The following ASIC3 variants were observed in gnomAD, a reference collection of about 807,000 sequenced individuals.
The protein encoded by ASIC3 is acid-sensing ion channel 3.
In ASIC3, 46 loss-of-function variants were observed where a neutral mutation model predicts 58.6. The observed-to-expected ratio is 0.79, with a 90% CI of 0.62 to 1.00. The LOEUF (loss-of-function observed/expected upper bound fraction) is 1.00, where lower values mean the gene tolerates loss of function less well. Among genes scored for constraint, ASIC3 ranks in the 50% least tolerant of loss-of-function variants. ASIC3 has a pLI of 0.00. For synonymous variants in ASIC3, 336 were observed against 300.2 expected (o/e 1.12, Z -1.23); for missense variants, 770 against 735.0 (o/e 1.05, Z -0.55).
chr7:151,048,636 C>G lies in ASIC3; in HGVS notation c.-250C>G. The stretch of plus-strand genomic sequence containing the variant: ...CTGGTCTGCTGCGGAGTCCCCAGCC[C>G]AGTGCCTAGCCCAGTGGAGCCACCG... On this transcript the variant is annotated 5_prime_UTR_variant, in exon 1 of 11. Transcript: ENST00000349064. The G allele has an allele frequency of 2.0e-6, 1 of 512,212 alleles. No homozygotes were observed. The allele number at this position is 512,212 out of a possible 1,614,324, so 31.7% of individuals were successfully genotyped here.
chr7:151,050,020 C>T (rs892616451), intron 1 of ASIC3, 86 bp from the exon 2 acceptor site: 18 of 1,570,712 alleles, frequency 1.1e-5, no homozygotes, highest in South Asian at 2.2e-5. Context: ...AAAGAAGAGA[C>T]GCAAACATAC....
At chr7:151,051,957 G>A (rs761024340) in intron 7 of ASIC3, 26 bp from the exon 8 acceptor site, 4 of 1,613,628 alleles carry the variant, frequency 2.5e-6, no homozygotes, top group Non-Finnish European at 3.4e-6. Flanking sequence ...GTGGCTGTAA[G>A]TTGAAGGGTG....
intron 6 of ASIC3, 28 bp from the exon 7 acceptor site, chr7:151,051,782 C>A (rs10255526): frequency 1.2e-6 from 2 of 1,609,116 alleles, no homozygotes; most frequent in Admixed American, 1.7e-5. Context: ...GGTGGCCAGC[C>A]CACATTTGAG....
At position 151,052,726 on chromosome 7, in the gene ASIC3, T is replaced by G; in HGVS notation, c.*74T>G. ...CTAGCCTGCACGTAGCTTTTCCGTC[T>G]TCACCCCAAATAAAGTCCTAATGCA... On this transcript the variant is annotated 3_prime_UTR_variant, in exon 11 of 11. Transcript: ENST00000349064. The surrounding 1 kb of genome is among the most constrained non-coding windows in gnomAD (Gnocchi z 5.0). 2 of 1,614,046 alleles carry G rather than the reference T, an allele frequency of 1.2e-6. No individual in the cohort carries two copies. Among genetic ancestry groups the G allele is most frequent in the Non-Finnish European group, 1.7e-6 (2 of 1,179,928 alleles).
chr7:151,049,558 A>G, intron 1 of ASIC3, 139 bp downstream of exon 1: 1 of 1,033,942 alleles, frequency 9.7e-7, no homozygotes, highest in Non-Finnish European at 1.4e-6. Flanking sequence ...TGGACTCCCC[A>G]CCCCCCAGTG....
Position 151,048,955 on chromosome 7 carries a change from T to C in ASIC3, c.70T>C (p.Cys24Arg). 7 of 1,593,964 alleles carry C rather than the reference T, an allele frequency of 4.4e-6. No homozygotes were observed. Among genetic ancestry groups the C allele is most frequent in the Non-Finnish European group, 6.0e-6 (7 of 1,166,056 alleles). ...GGACATCCGCGTGTTCGCCAGCAAC[T>C]GCTCGATGCACGGGCTGGGCCACGT... ...ASDIRVFASN[C>R]SMHGLGHVFG... Residue 24 changes from cysteine to arginine, a missense_variant, in exon 1 of 11, where the codon TGC becomes CGC. Transcript: ENST00000349064.
intron 7 of ASIC3, 28 bp from the exon 8 acceptor site, chr7:151,051,955 A>T: frequency 6.2e-7 from 1 of 1,612,136 alleles, no homozygotes; most frequent in South Asian, 1.1e-5. Flanking sequence ...AGGTGGCTGT[A>T]AGTTGAAGGG....
intron 6 of ASIC3, 137 bp downstream of exon 6, chr7:151,051,456 C>A (rs1016366331): frequency 6.1e-6 from 7 of 1,153,974 alleles, no homozygotes; most frequent in Admixed American, 7.0e-5. Context: ...TCTGGGGCTC[C>A]GTGCTGGTTG....
rs540858696 is a variant in ASIC3, at chr7:151,050,960, G to A, written c.1009+7G>A. On this transcript the variant is annotated splice_region_variant and intron_variant, in intron 4 of 10. Coordinates refer to ENST00000349064, the MANE Select transcript of ASIC3 (RefSeq NM_004769.4). ...CGAATGGTGTACATGCCAGGTGAGG[G>A]GCTGGGGTTTTCGTCCCATGGCGGG... 36 of 1,613,434 alleles carry A rather than the reference G, an allele frequency of 2.2e-5. No individual in the cohort carries two copies. The South Asian group carries it at 3.5e-4, about 16-fold the overall frequency.
In ASIC3 at chr7:151,051,028, G is replaced by A; in HGVS notation, c.1010-11G>A. 6.2e-7 allele frequency: 1 copy of A among 1,613,238 alleles called. No homozygotes were observed. Among genetic ancestry groups the A allele is most frequent in the Non-Finnish European group, 8.5e-7 (1 of 1,180,004 alleles). On this transcript the variant is annotated splice_polypyrimidine_tract_variant and intron_variant, in intron 4 of 10. Transcript: ENST00000349064. ...AGGCTGCTTCTAAAGCCATCTCCCC[G>A]GTACCCGCAGGCGACGTGCCAGTGT...
Position 151,048,766 on chromosome 7 carries a change from C to A in ASIC3, c.-120C>A. 7.8e-7 allele frequency: 1 copy of A among 1,285,698 alleles called. No individual in the cohort carries two copies. Among genetic ancestry groups the A allele is most frequent in the African/African-American group, 1.5e-5 (1 of 67,174 alleles). 79.6% of individuals were successfully genotyped at this position (1,285,698 alleles called of 1,614,324 possible). ...CTTCCAACCTTGGCTGTCTCCCACC[C>A]TCTCTTCTCCTCTCCTTGCCTGGCC... On this transcript the variant is annotated 5_prime_UTR_variant, in exon 1 of 11. Coordinates refer to ENST00000349064, the MANE Select transcript of ASIC3 (RefSeq NM_004769.4).
At position 151,050,878 on chromosome 7, in the gene ASIC3, C is replaced by T. The variant is rs1030266495; in HGVS notation, c.934C>T (p.Leu312Phe). ...CCCCAGCCCCAGCCCTCCCTATACC[C>T]TTATGGGGTGTCGCCTGGCCTGCGA... ...PSPSPSPPYT[L>F]MGCRLACETR... The change falls in exon 4 of 11, where the codon CTT (leucine) becomes TTT (phenylalanine). Residue 312 changes from leucine (L) to phenylalanine (F), a missense_variant. Leu to Phe is a conservative substitution (Grantham distance 22, BLOSUM62 0). Transcript: ENST00000349064. 4 of 1,613,430 alleles carry T rather than the reference C, an allele frequency of 2.5e-6. No individual in the cohort carries two copies. Among genetic ancestry groups the T allele is most frequent in the East Asian group, 2.2e-5 (1 of 44,870 alleles).
chr7:151,049,206 G>A lies in ASIC3; in HGVS notation c.321G>A (p.Leu107=), dbSNP rs1796703303. 6.2e-7 allele frequency: 1 copy of A among 1,613,122 alleles called. No homozygotes were observed. The highest frequency in any genetic ancestry group is 8.5e-7 in the Non-Finnish European group (1 of 1,179,590). The change falls in exon 1 of 11, where the codon CTG becomes CTA. Residue 107 remains leucine (L), a synonymous_variant. Coordinates refer to ENST00000349064, the MANE Select transcript of ASIC3 (RefSeq NM_004769.4). Reference sequence around the variant, plus strand: ...GCTCGCGCCTAACGCCCAACGACCTGCACTGGGCTGGGTCTGCGCTGCTGG... The same window carrying A: ...GCTCGCGCCTAACGCCCAACGACCTACACTGGGCTGGGTCTGCGCTGCTGG... ...LRRSRLTPND[L]HWAGSALLGL... is the part of the protein sequence containing the mutation.
Position 151,051,878 on chromosome 7 carries a change from C to T in ASIC3, c.1283C>T (p.Ala428Val). 8 of 1,613,792 alleles carry T rather than the reference C, an allele frequency of 5.0e-6. No homozygotes were observed. Among genetic ancestry groups the T allele is most frequent in the Non-Finnish European group, 6.8e-6 (8 of 1,179,946 alleles). ...LNYETVEQKK[A>V]YEMSELLGDI... ...TATGAGACCGTGGAGCAGAAGAAGGCCTATGAGATGTCAGAGCTGCTTGGT... is the reference window on the plus strand; with the variant it reads ...TATGAGACCGTGGAGCAGAAGAAGGTCTATGAGATGTCAGAGCTGCTTGGT... The change falls in exon 7 of 11, where the codon GCC (alanine) becomes GTC (valine). Residue 428 changes from alanine to valine, a missense_variant. Transcript: ENST00000349064.
chr7:151,050,327 G>A (rs1584967393), intron 2 of ASIC3, 71 bp downstream of exon 2: 1 of 1,573,112 alleles, frequency 6.4e-7, no homozygotes, highest in South Asian at 1.2e-5. Context: ...AGGAGAGGAG[G>A]AGAGGAGGTG....
chr7:151,051,947 G>A lies in ASIC3; in HGVS notation c.1307-36G>A, dbSNP rs748986630. 8 of 1,613,400 alleles carry A rather than the reference G, an allele frequency of 5.0e-6. No individual in the cohort carries two copies. The Admixed American group carries it at 1.0e-4, about 20-fold the overall frequency. Reference sequence around the variant, plus strand: ...GGGCTGGGGGGGTGTGGGCAGGCAGGTGGCTGTAAGTTGAAGGGTGACCCT... The same window carrying A: ...GGGCTGGGGGGGTGTGGGCAGGCAGATGGCTGTAAGTTGAAGGGTGACCCT... On this transcript the variant is annotated intron_variant, in intron 7 of 10. Coordinates refer to ENST00000349064, the MANE Select transcript of ASIC3 (RefSeq NM_004769.4).
At position 151,052,351 on chromosome 7, in the gene ASIC3, G is replaced by A; in HGVS notation, c.1459-65G>A. 1 of 1,612,830 alleles carries A rather than the reference G, an allele frequency of 6.2e-7. No individual in the cohort carries two copies. The highest frequency in any genetic ancestry group is 8.5e-7 in the Non-Finnish European group (1 of 1,179,556). ...GGAGAAACAGGCAGGAGGGTGTGCA[G>A]TGACCTCGACTGGTCCCTGGGAGGA... On this transcript the variant is annotated intron_variant, in intron 9 of 10. Coordinates refer to ENST00000349064, the MANE Select transcript of ASIC3 (RefSeq NM_004769.4). The surrounding 1 kb of genome is among the most constrained non-coding windows in gnomAD (Gnocchi z 5.0).
rs75517657 is a variant in ASIC3, at chr7:151,050,221, A to G, written c.650A>G (p.Gln217Arg). ...GNGLDIMLDV[Q>R]QEEYLPVWRD... ...GGGCTGGACATCATGCTGGACGTGC[A>G]GCAGGAGGAATATCTACCTGTGTGG... Residue 217 changes from glutamine to arginine, a missense_variant, in exon 2 of 11, where the codon CAG becomes CGG. Gln to Arg is a conservative substitution (Grantham distance 43). Coordinates refer to ENST00000349064, the MANE Select transcript of ASIC3 (RefSeq NM_004769.4). The G allele has an allele frequency of 2.0e-5, 33 of 1,614,042 alleles. No homozygotes were observed. In the East Asian group the frequency reaches 7.1e-4, roughly 35 times the overall value.
chr7:151,052,630 G>A lies in ASIC3; in HGVS notation c.1574G>A (p.Cys525Tyr), dbSNP rs1796813156. The A allele has an allele frequency of 1.2e-6, 2 of 1,613,886 alleles. No individual in the cohort carries two copies. The highest frequency in any genetic ancestry group is 2.2e-5 in the East Asian group (1 of 44,862). Residue 525 changes from cysteine to tyrosine, a missense_variant, in exon 11 of 11, where the codon TGC (cysteine) becomes TAC (tyrosine). Coordinates refer to ENST00000349064, the MANE Select transcript of ASIC3 (RefSeq NM_004769.4). This position sits in a 1 kb window ranked among gnomAD's most constrained non-coding sequence, Gnocchi z 5.0. ...TKTLSASHRT[C>Y]YLVTQL ...ACTCTCTCCGCCTCCCACCGCACCT[G>A]CTACCTTGTCACACAGCTCTAGACC...
Sources: gnomAD v4.1 joint callset for allele counts on GRCh38, gnomAD v4.1.1 for gene constraint, Gnocchi (gnomAD v3.1) non-coding constraint, MANE v1.5 for transcripts, NCBI Gene and HGNC (gene_info 2026-07-23, HGNC 2026-07-21) for gene names.